Variants in TOM1L1 observed in about 807,000 individuals in gnomAD.
TOM1L1 encodes the protein TOM1-like protein 1.
A neutral mutation model predicts 63.4 loss-of-function variants in TOM1L1; 64 were observed. The observed-to-expected ratio is 1.01, with a 90% CI of 0.83 to 1.24. TOM1L1 has a LOEUF of 1.24. Among genes scored for constraint, TOM1L1 ranks in the 50% most tolerant of loss-of-function variants. TOM1L1 has a pLI of 0.00. For synonymous variants in TOM1L1, 166 were observed against 194.4 expected (o/e 0.85, Z 1.22); for missense variants, 536 against 567.0 (o/e 0.95, Z 0.55).
chr17:54,955,472 G>T (rs981497077), intron 14 of TOM1L1, among the ~76,000 whole-genome samples: 1 of 152,140 alleles, frequency 6.6e-6, no homozygotes, highest in Admixed American at 6.5e-5. Flanking sequence ...CAAACTAACA[G>T]CAGTCCTTCT....
chr17:54,950,222 G>A, intron 14 of TOM1L1, 96 bp downstream of exon 14: 2 of 900,370 alleles, frequency 2.2e-6, no homozygotes, highest in Non-Finnish European at 3.4e-6. Context: ...CTTTGTTTAG[G>A]TCTTGGCAGA....
intron 9 of TOM1L1, among the ~76,000 whole-genome samples, 162 bp downstream of exon 9, chr17:54,936,871 A>ATTAAG (rs3078042): frequency 0.64 from 96,161 of 151,392 alleles, 31,577 homozygotes; most frequent in African/African-American, 0.81. Flanking sequence ...ACTTAATGTT[A>ATTAAG]TTAACGTTAA....
intron 7 of TOM1L1, among the ~76,000 whole-genome samples, chr17:54,926,640 T>TG (rs951445096): frequency 2.6e-5 from 3 of 115,324 alleles, no homozygotes; most frequent in East Asian, 2.0e-4. Flanking sequence ...TGTAACCAGT[T>TG]GAAAAAAAAA....
At chr17:54,913,907 A>T in intron 5 of TOM1L1, 34 bp downstream of exon 5, 1 of 1,583,418 alleles carries the variant, frequency 6.3e-7, no homozygotes, top group South Asian at 1.1e-5. Flanking sequence ...TGGAGACTAT[A>T]GTAGTGTATC....
chr17:54,955,789 C>T (rs973002537), intron 14 of TOM1L1, among the ~76,000 whole-genome samples: 1 of 152,194 alleles, frequency 6.6e-6, no homozygotes, highest in East Asian at 1.9e-4. Context: ...TGATCAAAAC[C>T]CAGACCACTC....
intron 8 of TOM1L1, among the ~76,000 whole-genome samples, chr17:54,933,432 T>TA (rs1293091914): frequency 6.6e-6 from 1 of 152,212 alleles, no homozygotes; most frequent in Non-Finnish European, 1.5e-5. Context: ...TTTAGAAAGT[T>TA]AGTTTTGCCA....
rs1391656698 is a variant in TOM1L1 at position 54,961,306 on chromosome 17, T to G, written c.*73T>G. ...TCTAAAACGTAGACTCTGTGCAGCTTTGAAGCCTGGAAGACAATACCTACC... is the reference window on the plus strand; with the variant it reads ...TCTAAAACGTAGACTCTGTGCAGCTGTGAAGCCTGGAAGACAATACCTACC... On this transcript the variant is annotated 3_prime_UTR_variant, in exon 16 of 16. Transcript: ENST00000575882. 1 of 1,551,444 alleles carries G rather than the reference T, an allele frequency of 6.4e-7. No homozygotes were observed. Among genetic ancestry groups the G allele is most frequent in the African/African-American group, 1.4e-5 (1 of 73,050 alleles).
rs995511464 is a variant in TOM1L1 at position 54,943,714 on chromosome 17, C to T, written c.1131-3547C>T. Among the ~76,000 whole-genome samples the T allele has an allele frequency of 2.0e-5, 3 of 152,186 alleles. No homozygotes were observed. In the South Asian group the frequency reaches 6.2e-4, roughly 32 times the overall value. ...AAAACCTGGGCCGGGCGCAGTGGCT[C>T]ACACCTGTAATCCCAGCATTTTGGG... On this transcript the variant is annotated intron_variant, in intron 11 of 15. Transcript: ENST00000575882.
At chr17:54,906,910 A>C (rs975146920) in intron 3 of TOM1L1, 10 of 666,272 alleles carry the variant, frequency 1.5e-5, no homozygotes, top group Non-Finnish European at 1.9e-5. Context: ...AAGACTGTGC[A>C]TGGTCACGGC....
chr17:54,913,665 C>CAAA (rs58570485), intron 4 of TOM1L1, 83 bp from the exon 5 acceptor site: 868 of 1,078,260 alleles, frequency 8.1e-4, no homozygotes, highest in East Asian at 3.3e-3. Flanking sequence ...GACTCTGTCT[C>CAAA]AAAAAAAAAA....
chr17:54,930,688 A>G (rs1379307406), intron 8 of TOM1L1, among the ~76,000 whole-genome samples: 2 of 151,980 alleles, frequency 1.3e-5, no homozygotes, highest in Non-Finnish European at 2.9e-5. Flanking sequence ...AAAAATACAA[A>G]ATAATTAGCT....
chr17:54,928,387 A>T (rs950902639), intron 7 of TOM1L1, among the ~76,000 whole-genome samples: 1 of 152,098 alleles, frequency 6.6e-6, no homozygotes, highest in African/African-American at 2.4e-5. Context: ...CAAAACAACA[A>T]CAACAAAAAA....
intron 7 of TOM1L1, among the ~76,000 whole-genome samples, chr17:54,929,128 T>G (rs1350927952): frequency 6.6e-6 from 1 of 152,216 alleles, no homozygotes; most frequent in Non-Finnish European, 1.5e-5. Flanking sequence ...TTGATGTTAA[T>G]GTACTATTAC....
intron 8 of TOM1L1, 23 bp from the exon 9 acceptor site, chr17:54,936,626 A>C: frequency 1.9e-6 from 3 of 1,576,226 alleles, no homozygotes; most frequent in South Asian, 1.2e-5. Flanking sequence ...TTAAAAACAC[A>C]TGCATTTTGA....
At position 54,924,927 on chromosome 17, in the gene TOM1L1, C is replaced by T. The variant is rs1162242129; in HGVS notation, c.721-5146C>T. Among the ~76,000 whole-genome samples the T allele has an allele frequency of 2.0e-5, 3 of 152,174 alleles. No individual in the cohort carries two copies. The East Asian group carries it at 5.8e-4, about 29-fold the overall frequency. ...ACGCCTTCTCCAATGGTTTTAAATGCCCCTTTATCACATACGGTATATTCT... is the reference window on the plus strand; with the variant it reads ...ACGCCTTCTCCAATGGTTTTAAATGTCCCTTTATCACATACGGTATATTCT... On this transcript the variant is annotated intron_variant, in intron 7 of 15. Transcript: ENST00000575882.
intron 14 of TOM1L1, 28 bp downstream of exon 14, chr17:54,950,154 A>T: frequency 6.4e-7 from 1 of 1,574,376 alleles, no homozygotes; most frequent in African/African-American, 1.3e-5. Context: ...TGATTAATTT[A>T]TTTTTTGTCT....
chr17:54,951,330 G>A (rs1158516794), intron 14 of TOM1L1, among the ~76,000 whole-genome samples: 1 of 152,160 alleles, frequency 6.6e-6, no homozygotes, highest in Non-Finnish European at 1.5e-5. Context: ...CACGTGTTCA[G>A]CTATCCAGAA....
At position 54,958,748 on chromosome 17, in the gene TOM1L1, A is replaced by AG. The variant is rs57608062; in HGVS notation, c.1371-1814dup. Among the ~76,000 whole-genome samples the AG allele has an allele frequency of 7.6e-5, 9 of 118,928 alleles. 2 individuals are homozygous for AG. Among genetic ancestry groups the AG allele is most frequent in the African/African-American group, 9.3e-5 (3 of 32,146 alleles). The allele number at this position is 118,928 out of a possible 152,430, so 78.0% of individuals were successfully genotyped here. On this transcript the variant is annotated intron_variant, in intron 14 of 15. Coordinates refer to ENST00000575882, the MANE Select transcript of TOM1L1 (RefSeq NM_005486.3). ...TCCATCTCAAAAAAAAAAAAAAAAA[A>AG]GGGGTTGTTGGTAGCTAGAGGATAC... is the stretch of plus-strand genomic sequence containing the variant.
intron 14 of TOM1L1, chr17:54,952,546 CAAA>C (rs71159275): frequency 3.3e-5 from 3 of 90,194 alleles, no homozygotes; most frequent in Admixed American, 1.3e-4. Flanking sequence ...GAGACTGTCT[CAAA>C]AAAAAAAAAA....
Sources: gnomAD v4.1 joint callset for allele counts (sites outside exome capture counted in the v4.1 genomes callset) on GRCh38, gnomAD v4.1.1 for gene constraint, MANE v1.5 for transcripts, NCBI Gene and HGNC (gene_info 2026-07-23, HGNC 2026-07-21) for gene names.